Variants in NRDC observed in about 807,000 individuals in gnomAD.
The protein encoded by NRDC is nardilysin.
Under a neutral mutation model 147.1 loss-of-function variants are expected in NRDC, and 54 were observed. That is an observed-to-expected ratio of 0.37 (90% CI 0.29 to 0.46). The LOEUF (loss-of-function observed/expected upper bound fraction) is 0.46, where lower values mean the gene tolerates loss of function less well. Ranked by LOEUF, NRDC falls within the 20% of genes least tolerant of loss-of-function variation. The pLI is 1.00. For synonymous variants in NRDC, 440 were observed against 482.1 expected (o/e 0.91, Z 1.14); for missense variants, 1,082 against 1,370.6 (o/e 0.79, Z 3.33).
At chr1:51,847,414 C>T (rs779620994) in intron 1 of NRDC, among the ~76,000 whole-genome samples, 5 of 152,232 alleles carry the variant, frequency 3.3e-5, no homozygotes, top group African/African-American at 4.8e-5. Flanking sequence ...TGGGACTGGG[C>T]GCCGTGGAGC....
chr1:51,830,480 G>C (rs1251692080), intron 4 of NRDC, among the ~76,000 whole-genome samples: 2 of 152,168 alleles, frequency 1.3e-5, no homozygotes, highest in South Asian at 2.1e-4. Flanking sequence ...TTCCTTTTGA[G>C]ATGCCTTATG....
chr1:51,809,268 T>C, intron 17 of NRDC, 47 bp downstream of exon 17: 1 of 1,173,178 alleles, frequency 8.5e-7, no homozygotes. Flanking sequence ...TACAGGTGCC[T>C]ATTAGCACAT....
At chr1:51,802,576 TA>T (rs1347226070) in intron 20 of NRDC, among the ~76,000 whole-genome samples, 1 of 152,154 alleles carries the variant, frequency 6.6e-6, no homozygotes, top group Non-Finnish European at 1.5e-5. Context: ...GCTGACAAAG[TA>T]AAATTATTCT....
intron 19 of NRDC, 57 bp downstream of exon 19, chr1:51,805,453 A>C (rs942080152): frequency 2.3e-6 from 3 of 1,287,136 alleles, no homozygotes; most frequent in Middle Eastern, 1.9e-4. Context: ...GAATGAAACA[A>C]AATAGTTTTT....
intron 5 of NRDC, among the ~76,000 whole-genome samples, chr1:51,825,675 A>C (rs982081348): frequency 1.3e-5 from 2 of 152,152 alleles, no homozygotes; most frequent in African/African-American, 4.8e-5. Flanking sequence ...TATGTACAAG[A>C]TTTTACTGAT....
chr1:51,810,374 G>T lies in NRDC; in HGVS notation c.1810C>A (p.Pro604Thr). Reference protein sequence around the residue: ...VIGEALNQLVPQKANLVLLSG... With the variant: ...VIGEALNQLVTQKANLVLLSG... ...AGTAAAACAAGATTTGCTTTTTGAG[G>T]AACTAGCTGATTCAAGGCTTCACCA... Residue 604 changes from proline (P) to threonine (T), a missense_variant, in exon 16 of 31, where the codon CCT becomes ACT. Coordinates refer to ENST00000352171, the MANE Select transcript of NRDC (RefSeq NM_001101662.2). 1 of 1,612,228 alleles carries T rather than the reference G, an allele frequency of 6.2e-7. No homozygotes were observed. The highest frequency in any genetic ancestry group is 1.1e-5 in the South Asian group (1 of 90,788).
At chr1:51,870,782 TTAA>T (rs1683045384) in intron 1 of NRDC, among the ~76,000 whole-genome samples, 1 of 144,190 alleles carries the variant, frequency 6.9e-6, no homozygotes, top group African/African-American at 2.9e-5. Flanking sequence ...ACAGACAGTA[TTAA>T]TAATTAGTAA....
At chr1:51,835,445 T>A (rs1056778507) in intron 3 of NRDC, among the ~76,000 whole-genome samples, 7 of 151,436 alleles carry the variant, frequency 4.6e-5, no homozygotes, top group African/African-American at 1.5e-4. Flanking sequence ...CCTTTTGAAT[T>A]TCTAGGTTTT....
intron 1 of NRDC, among the ~76,000 whole-genome samples, chr1:51,856,666 C>T (rs1682259015): frequency 6.6e-6 from 1 of 152,124 alleles, no homozygotes; most frequent in African/African-American, 2.4e-5. Context: ...CATCCTGAAG[C>T]TTCTGGAACC....
At chr1:51,817,858 G>A (rs1435297877) in intron 10 of NRDC, among the ~76,000 whole-genome samples, 1 of 152,110 alleles carries the variant, frequency 6.6e-6, no homozygotes, top group East Asian at 1.9e-4. Flanking sequence ...CTTAAGAAAG[G>A]CCACTATAAC....
At position 51,812,072 on chromosome 1, in the gene NRDC, G is replaced by A. The variant is rs905272975; in HGVS notation, c.1701C>T (p.Asn567=). The part of the protein sequence containing the change: ...EQTDPVEYVE[N]MCENMQLYPL... ...GGTACAGCTGCATGTTCTCACACAT[G>A]TTTTCCACATACTCAACTGGATCTG... The change falls in exon 15 of 31, where the codon AAC becomes AAT. Residue 567 remains asparagine (N), a synonymous_variant. Coordinates refer to ENST00000352171, the MANE Select transcript of NRDC (RefSeq NM_001101662.2). 1.9e-6 allele frequency: 3 copies of A among 1,613,530 alleles called. No individual in the cohort carries two copies. The African/African-American group carries it at 4.0e-5, about 22-fold the overall frequency.
rs1218049956 is a variant in NRDC, at chr1:51,844,339, C to G, written c.342-3825G>C. On this transcript the variant is annotated intron_variant, in intron 1 of 30. Coordinates refer to ENST00000352171, the MANE Select transcript of NRDC (RefSeq NM_001101662.2). The stretch of plus-strand genomic sequence containing the variant: ...GGTAATTAAGCTAAACATCAGGCCT[C>G]TAAAGTAGGTCTGAATCCAATCTGA... Among the ~76,000 whole-genome samples the G allele has an allele frequency of 2.6e-5, 4 of 152,100 alleles. No individual in the cohort carries two copies. In the East Asian group the frequency reaches 7.8e-4, roughly 29 times the overall value.
intron 1 of NRDC, among the ~76,000 whole-genome samples, chr1:51,849,272 C>A (rs974398921): frequency 4.6e-5 from 7 of 151,842 alleles, no homozygotes; most frequent in Admixed American, 1.3e-4. Flanking sequence ...GTGGTGAGCG[C>A]CTGTAGTCCC....
At position 51,840,437 on chromosome 1, in the gene NRDC, G is replaced by T. The variant is rs746109925; in HGVS notation, c.419C>A (p.Thr140Lys). ...CTCCTCTTCTTCTTCATCATCTGTT[G>T]TATTTCCTGTTTTACCTTCCATATT... ...LSNMEGKTGN[T>K]TDDEEEEEVE... Residue 140 changes from threonine to lysine, a missense_variant, in exon 2 of 31, where the codon ACA becomes AAA. Around this residue, in one of 3 missense-constraint regions of NRDC, gnomAD observed 260 missense variants for 253.2 expected, o/e 1.03. Coordinates refer to ENST00000352171, the MANE Select transcript of NRDC (RefSeq NM_001101662.2). 1 of 1,609,572 alleles carries T rather than the reference G, an allele frequency of 6.2e-7. No homozygotes were observed. Among genetic ancestry groups the T allele is most frequent in the Non-Finnish European group, 8.5e-7 (1 of 1,176,790 alleles).
At chr1:51,839,328 ATTTTTT>A (rs1281981612) in intron 2 of NRDC, among the ~76,000 whole-genome samples, 1 of 151,598 alleles carries the variant, frequency 6.6e-6, no homozygotes, top group East Asian at 1.9e-4. Context: ...CACCCAGCTA[ATTTTTT>A]TTAATGTTTT....
chr1:51,796,688 A>G (rs1557897935), intron 22 of NRDC, among the ~76,000 whole-genome samples: 1 of 151,746 alleles, frequency 6.6e-6, no homozygotes, highest in Non-Finnish European at 1.5e-5. Context: ...CCCGGATTCA[A>G]GCAATTCTCC....
At chr1:51,791,890 C>G (rs1338549138) in intron 26 of NRDC, among the ~76,000 whole-genome samples, 156 bp downstream of exon 26, 1 of 152,126 alleles carries the variant, frequency 6.6e-6, no homozygotes, top group Non-Finnish European at 1.5e-5. Context: ...TGATTACAGT[C>G]AAAGATACAA....
chr1:51,868,979 GC>G (rs1434075787), intron 1 of NRDC, among the ~76,000 whole-genome samples: 1 of 152,102 alleles, frequency 6.6e-6, no homozygotes, highest in African/African-American at 2.4e-5. Flanking sequence ...TCACTCTGTT[GC>G]CCACACTGGA....
chr1:51,869,290 G>C (rs528101780), intron 1 of NRDC, among the ~76,000 whole-genome samples: 1 of 152,100 alleles, frequency 6.6e-6, no homozygotes, highest in African/African-American at 2.4e-5. Context: ...CCTTCCCTGT[G>C]ATGACCACAT....
Sources: allele counts gnomAD v4.1 joint callset (sites outside exome capture counted in the v4.1 genomes callset), GRCh38; gene constraint gnomAD v4.1.1; regional missense constraint gnomAD v4.1.1; transcripts MANE v1.5; gene names NCBI Gene and HGNC (gene_info 2026-07-23, HGNC 2026-07-21).